Variants in KLHL26 observed in about 807,000 individuals in gnomAD.
KLHL26 encodes kelch-like protein 26.
Under a neutral mutation model 7.1 loss-of-function variants are expected in KLHL26, and 4 were observed. The ratio of observed to expected loss-of-function variants is 0.56; its 90% confidence interval spans 0.28 to 1.28. KLHL26 has a LOEUF of 1.28. KLHL26 is among the 50% of genes most tolerant of loss of function. The pLI, the probability that KLHL26 is intolerant of heterozygous loss-of-function variation, is 0.11. For synonymous variants in KLHL26, 465 were observed against 414.1 expected (o/e 1.12, Z -1.49); for missense variants, 896 against 924.6 (o/e 0.97, Z 0.40).
In KLHL26 at chr19:18,649,795, G is replaced by A. The variant is rs1254447054; in HGVS notation, c.83+12658G>A. ...CCCCTTCCACATGTCTCTCCGGAGA[G>A]GGCCGCACAGAATTCACAGGACTCG... On this transcript the variant is annotated intron_variant, in intron 1 of 2. Transcript: ENST00000300976. This position sits in a 1 kb window ranked among gnomAD's most constrained non-coding sequence, Gnocchi z 4.0. Among the ~76,000 whole-genome samples, 1 of 152,154 alleles carries A rather than the reference G, an allele frequency of 6.6e-6. No homozygotes were observed. The highest frequency in any genetic ancestry group is 1.5e-5 in the Non-Finnish European group (1 of 68,038).
At chr19:18,657,857 T>A (rs2052349921) in intron 1 of KLHL26, among the ~76,000 whole-genome samples, 1 of 152,156 alleles carries the variant, frequency 6.6e-6, no homozygotes. Flanking sequence ...CTCTGAGCTG[T>A]CCCACGGGAA....
Position 18,668,495 on chromosome 19 carries a change from C to G in KLHL26, c.1098C>G (p.Ala366=). The G allele has an allele frequency of 6.2e-7, 1 of 1,606,296 alleles. No homozygotes were observed. The highest frequency in any genetic ancestry group is 1.1e-5 in the South Asian group (1 of 90,950). The change falls in exon 3 of 3, where the codon GCC becomes GCG. Residue 366 remains alanine, a synonymous_variant. Coordinates refer to ENST00000300976, the MANE Select transcript of KLHL26 (RefSeq NM_018316.3). ...VAVLDNFVYV[A]GGQHLQYRSG... ...TGCTGGACAATTTTGTGTACGTGGCCGGGGGGCAGCACCTGCAGTACCGCA... is the reference window on the plus strand; with the variant it reads ...TGCTGGACAATTTTGTGTACGTGGCGGGGGGGCAGCACCTGCAGTACCGCA...
At chr19:18,655,982 G>A (rs2052328582) in intron 1 of KLHL26, among the ~76,000 whole-genome samples, 1 of 152,184 alleles carries the variant, frequency 6.6e-6, no homozygotes, top group African/African-American at 2.4e-5. Flanking sequence ...TGAGGAGCAG[G>A]TGAGGGGTGG....
intron 1 of KLHL26, chr19:18,659,585 G>A (rs1438591666): frequency 6.6e-6 from 1 of 152,270 alleles, no homozygotes; most frequent in African/African-American, 2.4e-5. Flanking sequence ...GGCTCCGCGT[G>A]GGGGTGGGAA....
intron 1 of KLHL26, among the ~76,000 whole-genome samples, chr19:18,641,684 A>C (rs1976715416): frequency 7.0e-6 from 1 of 143,820 alleles, no homozygotes; most frequent in Non-Finnish European, 1.5e-5. Context: ...GCTAGAGTGC[A>C]GTGGCGTGAT....
intron 1 of KLHL26, among the ~76,000 whole-genome samples, chr19:18,663,461 G>A (rs2052411944): frequency 1.3e-5 from 2 of 152,210 alleles, no homozygotes; most frequent in African/African-American, 4.8e-5. Context: ...GTGGGGCCAA[G>A]GAGCCTTCCG....
chr19:18,662,357 G>T (rs994180021), intron 1 of KLHL26, among the ~76,000 whole-genome samples: 1 of 152,224 alleles, frequency 6.6e-6, no homozygotes, highest in Non-Finnish European at 1.5e-5. Flanking sequence ...CCCAGAGCCC[G>T]AATGCACAAC....
chr19:18,666,589 G>A (rs1182618496), intron 2 of KLHL26, among the ~76,000 whole-genome samples: 1 of 152,122 alleles, frequency 6.6e-6, no homozygotes, highest in Non-Finnish European at 1.5e-5. Flanking sequence ...CTCATGTTCT[G>A]CCTCGCAGAG....
intron 1 of KLHL26, among the ~76,000 whole-genome samples, chr19:18,662,465 C>T (rs111805618): frequency 2.6e-5 from 4 of 152,208 alleles, no homozygotes; most frequent in East Asian, 1.9e-4. Flanking sequence ...GGGCCTACTT[C>T]GTCTCATTTA....
chr19:18,657,464 C>T (rs1184131002), intron 1 of KLHL26, among the ~76,000 whole-genome samples: 1 of 151,344 alleles, frequency 6.6e-6, no homozygotes, highest in Non-Finnish European at 1.5e-5. Context: ...CTCTGTGCCT[C>T]CATATCTGGG....
chr19:18,651,738 C>G (rs72997341), intron 1 of KLHL26, among the ~76,000 whole-genome samples: 2,424 of 152,346 alleles, frequency 0.016, 22 homozygotes, highest in Non-Finnish European at 0.025. Context: ...CACGTTACCA[C>G]CCCGACATGC....
At chr19:18,657,486 C>T (rs2052346795) in intron 1 of KLHL26, among the ~76,000 whole-genome samples, 1 of 151,500 alleles carries the variant, frequency 6.6e-6, no homozygotes, top group African/African-American at 2.4e-5. Context: ...CTCTGTCTCC[C>T]TGTCTCTGTG....
rs1203749140 is a variant in KLHL26 at position 18,670,647 on chromosome 19, CAG to C, written c.*1403_*1404del. On this transcript the variant is annotated 3_prime_UTR_variant, in exon 3 of 3. Coordinates refer to ENST00000300976, the MANE Select transcript of KLHL26 (RefSeq NM_018316.3). The stretch of plus-strand genomic sequence containing the variant: ...GTCGGCAGTGGGCTGGGCTTTGGCT[CAG>C]GGGCGCAGAGGCAGCAGGAAGCGTG... 1 of 152,276 alleles carries C rather than the reference CAG, an allele frequency of 6.6e-6. No individual in the cohort carries two copies. The highest frequency in any genetic ancestry group is 1.9e-4 in the East Asian group (1 of 5,194). The allele number at this position is 152,276 out of a possible 1,614,324, so 9.4% of individuals were successfully genotyped here. A position where few individuals can be genotyped will look rare whatever the true frequency, so the allele number is the denominator to read the frequency against.
rs770204109 is a variant in KLHL26, at chr19:18,648,656, C to T, written c.83+11519C>T. On this transcript the variant is annotated intron_variant, in intron 1 of 2. Coordinates refer to ENST00000300976, the MANE Select transcript of KLHL26 (RefSeq NM_018316.3). The surrounding 1 kb of genome is among the most constrained non-coding windows in gnomAD (Gnocchi z 4.9). ...TGCCTCTCCTTGCTCAGGGTTCGTG[C>T]CACTTGGAGCTCCCACAGTCCTTGA... Among the ~76,000 whole-genome samples the T allele has an allele frequency of 2.7e-4, 41 of 152,168 alleles. No homozygotes were observed. The highest frequency in any genetic ancestry group is 5.0e-4 in the Non-Finnish European group (34 of 68,028).
chr19:18,661,209 CT>C (rs1377235111), intron 1 of KLHL26, among the ~76,000 whole-genome samples: 1 of 152,188 alleles, frequency 6.6e-6, no homozygotes, highest in African/African-American at 2.4e-5. Context: ...CTGCTGGCCC[CT>C]GATGTCTCCT....
In KLHL26 at chr19:18,650,146, G is replaced by A. The variant is rs978611227; in HGVS notation, c.83+13009G>A. Among the ~76,000 whole-genome samples the A allele has an allele frequency of 6.6e-6, 1 of 152,300 alleles. No individual in the cohort carries two copies. Among genetic ancestry groups the A allele is most frequent in the Non-Finnish European group, 1.5e-5 (1 of 68,016 alleles). Reference sequence around the variant, plus strand: ...ATCGAGGCCGAAGATGTTTACTGACGCCACAACTGTGAAATTCCACAGGGG... The same window carrying A: ...ATCGAGGCCGAAGATGTTTACTGACACCACAACTGTGAAATTCCACAGGGG... On this transcript the variant is annotated intron_variant, in intron 1 of 2. Transcript: ENST00000300976. This position sits in a 1 kb window ranked among gnomAD's most constrained non-coding sequence, Gnocchi z 4.2.
intron 1 of KLHL26, among the ~76,000 whole-genome samples, chr19:18,654,913 G>A (rs1395269024): frequency 2.0e-5 from 3 of 152,240 alleles, no homozygotes; most frequent in Non-Finnish European, 4.4e-5. Context: ...GCATGACTGA[G>A]CTCCAACCAT....
Position 18,668,294 on chromosome 19 carries a change from T to A in KLHL26, c.897T>A (p.Ser299=). 6.2e-7 allele frequency: 1 copy of A among 1,611,756 alleles called. No individual in the cohort carries two copies. The highest frequency in any genetic ancestry group is 8.5e-7 in the Non-Finnish European group (1 of 1,179,828). ...CCTTCCGGCAGCACGAGATGCAGTC[T>A]CCGCGCACCGCCGTGCGCTCGGATG... is the stretch of plus-strand genomic sequence containing the variant. ...VLPFRQHEMQ[S]PRTAVRSDVP... The change falls in exon 3 of 3, where the codon TCT becomes TCA. Residue 299 remains serine (S), a synonymous_variant. Coordinates refer to ENST00000300976, the MANE Select transcript of KLHL26 (RefSeq NM_018316.3).
intron 1 of KLHL26, among the ~76,000 whole-genome samples, chr19:18,663,815 C>T (rs971742395): frequency 9.9e-5 from 15 of 151,432 alleles, no homozygotes; most frequent in African/African-American, 3.4e-4. Context: ...GGGGGCTGGA[C>T]CACAGAGGGC....
Sources: gnomAD v4.1 joint callset for allele counts (sites outside exome capture counted in the v4.1 genomes callset) on GRCh38, gnomAD v4.1.1 for gene constraint, Gnocchi (gnomAD v3.1) non-coding constraint, MANE v1.5 for transcripts, NCBI Gene and HGNC (gene_info 2026-07-23, HGNC 2026-07-21) for gene names.